Variants in DOCK1 observed in about 807,000 individuals in gnomAD.
The protein encoded by DOCK1 is dedicator of cytokinesis 1.
Under a neutral mutation model 262.7 loss-of-function variants are expected in DOCK1, and 138 were observed. The ratio of observed to expected loss-of-function variants is 0.53; its 90% CI spans 0.46 to 0.61. DOCK1 has a LOEUF of 0.61. DOCK1 is among the 20% of genes least tolerant of loss of function. The probability of loss-of-function intolerance (pLI) is 0.00; values close to 1 mark genes in which losing one functional copy is unlikely to be tolerated. For synonymous variants in DOCK1, 866 were observed against 867.4 expected, an observed-to-expected ratio of 1.00 and a Z score of 0.03; for missense variants, 1,908 against 2,370.7, an observed-to-expected ratio of 0.80 and a Z score of 4.05.
intron 22 of DOCK1, among the ~76,000 whole-genome samples, chr10:127,053,355 A>G (rs2044882581): frequency 6.6e-6 from 1 of 152,146 alleles, no homozygotes; most frequent in Admixed American, 6.5e-5. Context: ...AACAAAATAA[A>G]TAAATAAAAC....
chr10:127,428,636 G>A (rs1470653037), intron 47 of DOCK1, among the ~76,000 whole-genome samples: 1 of 150,902 alleles, frequency 6.6e-6, no homozygotes, highest in Admixed American at 6.6e-5. Flanking sequence ...GGTGTCATGT[G>A]GATTGGAGTG....
intron 27 of DOCK1, among the ~76,000 whole-genome samples, chr10:127,242,964 A>C (rs1485466525): frequency 6.6e-6 from 1 of 152,128 alleles, no homozygotes; most frequent in Non-Finnish European, 1.5e-5. Flanking sequence ...TGAGGCTGGG[A>C]ACTGCCCAGA....
intron 35 of DOCK1, among the ~76,000 whole-genome samples, chr10:127,374,812 C>G (rs1421133945): frequency 1.3e-5 from 2 of 152,146 alleles, no homozygotes; most frequent in African/African-American, 2.4e-5. Context: ...AGTCTCAAGC[C>G]AAGGAATGCC....
chr10:127,395,392 C>G (rs1476424885), intron 38 of DOCK1, among the ~76,000 whole-genome samples: 1 of 152,132 alleles, frequency 6.6e-6, no homozygotes, highest in Non-Finnish European at 1.5e-5. Flanking sequence ...TCATCCCATT[C>G]ATGAGGGCTC....
At chr10:127,192,567 G>A (rs1339709697) in intron 27 of DOCK1, 5 of 152,298 alleles carry the variant, frequency 3.3e-5, no homozygotes, top group Admixed American at 6.5e-5. Flanking sequence ...TCTAAAGCAC[G>A]TACGACTCAA....
intron 27 of DOCK1, among the ~76,000 whole-genome samples, chr10:127,138,951 C>T (rs142781759): frequency 5.3e-5 from 8 of 152,272 alleles, no homozygotes; most frequent in Non-Finnish European, 1.2e-4. Context: ...ATAGGACCCC[C>T]GGTCCATGCA....
intron 29 of DOCK1, 68 bp from the exon 30 acceptor site, chr10:127,338,938 A>T: frequency 7.3e-7 from 1 of 1,369,424 alleles, no homozygotes; most frequent in Non-Finnish European, 1.0e-6. Flanking sequence ...TATCTAATTG[A>T]AATGCCAAAC....
chr10:127,361,268 C>T (rs1173991563), intron 32 of DOCK1, among the ~76,000 whole-genome samples: 2 of 151,832 alleles, frequency 1.3e-5, no homozygotes, highest in Non-Finnish European at 2.9e-5. Context: ...CGCCCGCTAC[C>T]ACGCCCAGCT....
intron 29 of DOCK1, among the ~76,000 whole-genome samples, chr10:127,275,044 G>C (rs2060695564): frequency 6.6e-6 from 1 of 152,138 alleles, no homozygotes; most frequent in African/African-American, 2.4e-5. Flanking sequence ...CTAGCAACTG[G>C]AAATTCTACA....
chr10:126,914,397 T>C (rs1041012983), intron 1 of DOCK1, among the ~76,000 whole-genome samples: 43 of 152,112 alleles, frequency 2.8e-4, no homozygotes, highest in African/African-American at 9.9e-4. Context: ...CAGTTTTAAA[T>C]TTTATTTTAT....
chr10:127,152,023 AT>A (rs879571862), intron 27 of DOCK1, among the ~76,000 whole-genome samples: 1 of 56,522 alleles, frequency 1.8e-5, no homozygotes, highest in Non-Finnish European at 3.6e-5. Context: ...ATATATATAT[AT>A]TTTTTTTCGA....
At chr10:127,065,485 G>T (rs934440947) in intron 23 of DOCK1, among the ~76,000 whole-genome samples, 1 of 152,112 alleles carries the variant, frequency 6.6e-6, no homozygotes, top group African/African-American at 2.4e-5. Flanking sequence ...TGGTGGTTGT[G>T]GTTCATGCTG....
intron 1 of DOCK1, among the ~76,000 whole-genome samples, chr10:126,943,156 G>A (rs1018192645): frequency 1.3e-4 from 20 of 151,640 alleles, no homozygotes; most frequent in Non-Finnish European, 2.4e-4. Context: ...CTGAGGCAGA[G>A]GCAGGAGAAT....
intron 9 of DOCK1, 150 bp from the exon 10 acceptor site, chr10:127,000,022 T>C (rs1337672236): frequency 3.4e-6 from 3 of 883,430 alleles, no homozygotes; most frequent in Non-Finnish European, 5.1e-6. Context: ...ACTATTGTTA[T>C]TAAATTCCTT....
At chr10:127,339,703 G>T (rs1000831650) in intron 30 of DOCK1, among the ~76,000 whole-genome samples, 21 of 24,896 alleles carry the variant, frequency 8.4e-4, no homozygotes, top group African/African-American at 5.3e-3. Context: ...ATTTGTGTGT[G>T]TGTGTGTGTG....
chr10:127,261,175 G>C (rs1430403545), intron 29 of DOCK1, among the ~76,000 whole-genome samples: 5 of 141,306 alleles, frequency 3.5e-5, no homozygotes, highest in African/African-American at 1.4e-4. Flanking sequence ...GTGTGTCCCT[G>C]CATGTGTGTG....
At chr10:127,270,174 G>C (rs572531087) in intron 29 of DOCK1, among the ~76,000 whole-genome samples, 1 of 152,142 alleles carries the variant, frequency 6.6e-6, no homozygotes, top group Non-Finnish European at 1.5e-5. Flanking sequence ...AGTCCTGGCC[G>C]CACCTCCACA....
At chr10:127,268,727 A>G (rs1193789525) in intron 29 of DOCK1, among the ~76,000 whole-genome samples, 2 of 151,998 alleles carry the variant, frequency 1.3e-5, no homozygotes, top group South Asian at 2.1e-4. Flanking sequence ...TGGTTTCCCC[A>G]AGTCGCTCTG....
At chr10:127,200,866 G>A (rs1482939791) in intron 27 of DOCK1, among the ~76,000 whole-genome samples, 1 of 152,180 alleles carries the variant, frequency 6.6e-6, no homozygotes, top group Non-Finnish European at 1.5e-5. Context: ...ATGCAGCCCA[G>A]TAAGTCTCAG....
Sources: gnomAD v4.1 joint callset for allele counts (sites outside exome capture counted in the v4.1 genomes callset) on GRCh38, gnomAD v4.1.1 for gene constraint, MANE v1.5 for transcripts, NCBI Gene and HGNC (gene_info 2026-07-23, HGNC 2026-07-21) for gene names.